Variants in SGCZ observed in about 807,000 individuals in gnomAD.
SGCZ encodes zeta-sarcoglycan.
SGCZ carries 40 observed loss-of-function variants against 41.3 expected under a neutral mutation model. The ratio of observed to expected loss-of-function variants is 0.97; its 90% CI spans 0.75 to 1.26. SGCZ has a LOEUF of 1.26. SGCZ is among the 50% of genes most tolerant of loss of function. The pLI is 0.00. For missense variants in SGCZ, 552 were observed against 369.8 expected (o/e 1.49, Z -4.04); for synonymous variants, 206 against 137.5 (o/e 1.50, Z -3.49).
intron 2 of SGCZ, among the ~76,000 whole-genome samples, chr8:14,372,492 T>C (rs531851773): frequency 4.6e-5 from 7 of 152,040 alleles, no homozygotes; most frequent in Non-Finnish European, 1.0e-4. Context: ...GAGAAAGAAA[T>C]CTCAAGTAAA....
chr8:14,185,934 A>G (rs1804888889), intron 4 of SGCZ, among the ~76,000 whole-genome samples: 1 of 152,198 alleles, frequency 6.6e-6, no homozygotes, highest in East Asian at 1.9e-4. Context: ...ATGTCCAGTA[A>G]TATTCACCTT....
At chr8:14,772,100 T>G (rs1042778144) in intron 1 of SGCZ, among the ~76,000 whole-genome samples, 1 of 152,154 alleles carries the variant, frequency 6.6e-6, no homozygotes, top group Non-Finnish European at 1.5e-5. Context: ...TAGTATTCAA[T>G]AAGTTACCTG....
chr8:14,107,201 A>G (rs776239982), intron 6 of SGCZ, among the ~76,000 whole-genome samples: 1 of 151,672 alleles, frequency 6.6e-6, no homozygotes, highest in Non-Finnish European at 1.5e-5. Context: ...GGGTGACAGA[A>G]CGAGACTCCA....
At chr8:15,041,705 C>G (rs1023593815) in intron 1 of SGCZ, among the ~76,000 whole-genome samples, 1 of 144,472 alleles carries the variant, frequency 6.9e-6, no homozygotes, top group African/African-American at 2.5e-5. Flanking sequence ...TGAATACACA[C>G]ATATACATGC....
chr8:14,664,688 A>G (rs1429492108), intron 1 of SGCZ, among the ~76,000 whole-genome samples: 1 of 152,212 alleles, frequency 6.6e-6, no homozygotes, highest in African/African-American at 2.4e-5. Flanking sequence ...TGTGTCACTT[A>G]GTGTATGCTA....
At position 14,290,981 on chromosome 8, in the gene SGCZ, A is replaced by C. The variant is rs1585326060; in HGVS notation, c.336+33122T>G. The stretch of plus-strand genomic sequence containing the variant: ...ATGAATGGATAAAGAAAGTATTGTA[A>C]ATATGTACCATGAAATAATATTCAG... On this transcript the variant is annotated intron_variant, in intron 3 of 7. Transcript: ENST00000382080. Among the ~76,000 whole-genome samples the C allele has an allele frequency of 3.3e-5, 5 of 152,260 alleles. No individual in the cohort carries two copies. In the South Asian group the frequency reaches 1.0e-3, roughly 32 times the overall value.
chr8:14,118,921 A>G (rs13265807), intron 5 of SGCZ, among the ~76,000 whole-genome samples: 146,905 of 152,290 alleles, frequency 0.96, 70,884 homozygotes, highest in East Asian at 1. Context: ...ATTGGTCTAC[A>G]TATCTGTTTT....
At chr8:14,415,658 G>C (rs1054774534) in intron 2 of SGCZ, among the ~76,000 whole-genome samples, 4 of 151,834 alleles carry the variant, frequency 2.6e-5, no homozygotes, top group African/African-American at 7.2e-5. Context: ...AACTCCTTAA[G>C]AAAAAAGTGA....
intron 1 of SGCZ, among the ~76,000 whole-genome samples, chr8:14,880,346 C>A (rs963145234): frequency 1.3e-5 from 2 of 152,284 alleles, no homozygotes; most frequent in African/African-American, 2.4e-5. Context: ...CACTTTTACA[C>A]TGTTGGTGGG....
At chr8:14,767,493 T>C (rs1261788671) in intron 1 of SGCZ, among the ~76,000 whole-genome samples, 1 of 152,132 alleles carries the variant, frequency 6.6e-6, no homozygotes, top group Non-Finnish European at 1.5e-5. Context: ...GGGAAGAAAG[T>C]TAATAATTTA....
At chr8:14,489,065 A>G (rs1423585882) in intron 2 of SGCZ, among the ~76,000 whole-genome samples, 4 of 148,736 alleles carry the variant, frequency 2.7e-5, no homozygotes, top group African/African-American at 9.8e-5. Flanking sequence ...AGTAATTCAA[A>G]TTCACAGAAC....
intron 2 of SGCZ, among the ~76,000 whole-genome samples, chr8:14,433,586 C>G (rs1314628161): frequency 6.6e-6 from 1 of 152,120 alleles, no homozygotes; most frequent in Non-Finnish European, 1.5e-5. Context: ...TATGATCTTC[C>G]ATCATTGCAT....
chr8:14,825,294 C>T lies in SGCZ; in HGVS notation c.40-270368G>A, dbSNP rs140853851. Among the ~76,000 whole-genome samples the T allele has an allele frequency of 6.3e-3, 953 of 152,258 alleles. 7 individuals are homozygous for T. Among genetic ancestry groups the T allele is most frequent in the African/African-American group, 0.022 (908 of 41,556 alleles). On this transcript the variant is annotated intron_variant, in intron 1 of 7. Transcript: ENST00000382080. ...TCTAATTACCTGTTCCTATGTGTAT[C>T]GTCACTTATCTCTCACTATTCTTGT...
At chr8:15,198,874 A>T (rs1404610720) in intron 1 of SGCZ, among the ~76,000 whole-genome samples, 2 of 152,196 alleles carry the variant, frequency 1.3e-5, no homozygotes, top group Non-Finnish European at 2.9e-5. Context: ...GAGGAAATCA[A>T]TCTAAAGTCA....
At chr8:14,738,834 G>A (rs768687913) in intron 1 of SGCZ, among the ~76,000 whole-genome samples, 51 of 152,100 alleles carry the variant, frequency 3.4e-4, no homozygotes, top group African/African-American at 1.2e-3. Flanking sequence ...AGAACGGGCC[G>A]CAGGACAGGG....
At chr8:14,812,411 G>C (rs1378471967) in intron 1 of SGCZ, among the ~76,000 whole-genome samples, 1 of 151,968 alleles carries the variant, frequency 6.6e-6, no homozygotes, top group Non-Finnish European at 1.5e-5. Context: ...CAGATGTTTT[G>C]AATATATTTA....
At chr8:15,179,360 C>A (rs980916460) in intron 1 of SGCZ, among the ~76,000 whole-genome samples, 4 of 152,106 alleles carry the variant, frequency 2.6e-5, no homozygotes, top group Non-Finnish European at 5.9e-5. Flanking sequence ...AAAGAAAAAA[C>A]TGAGAATACA....
rs982246498 is a variant in SGCZ at position 14,087,058 on chromosome 8, G to A, written c.*3385C>T. Among the ~76,000 whole-genome samples the A allele has an allele frequency of 3.3e-5, 5 of 150,534 alleles. No homozygotes were observed. The highest frequency in any genetic ancestry group is 1.2e-4 in the African/African-American group (5 of 41,296). On this transcript the variant is annotated 3_prime_UTR_variant, in exon 8 of 8. Coordinates refer to ENST00000382080, the MANE Select transcript of SGCZ (RefSeq NM_139167.4). ...ACTGGAATTGCTGGCTCCATTTTCC[G>A]AGATTTGAAGTACTGTAATCTAAGA...
Position 14,644,949 on chromosome 8 carries a change from A to AGT in SGCZ, c.40-90024_40-90023insAC, listed in dbSNP as rs1313402581. Among the ~76,000 whole-genome samples the AGT allele has an allele frequency of 1.7e-3, 28 of 16,038 alleles. 1 individual carries two copies. The East Asian group carries it at 0.17, about 99-fold the overall frequency. 10.5% of individuals were successfully genotyped at this position (16,038 alleles called of 152,430 possible). A position where few individuals can be genotyped will look rare whatever the true frequency, so the allele number is the denominator to read the frequency against. Reference sequence around the variant, plus strand: ...TATAAAGCCTTTGTGTAGTTGCATAAATAAAAAAAAAAAGTCTCCAACGTT... The same window carrying AGT: ...TATAAAGCCTTTGTGTAGTTGCATAAGTATAAAAAAAAAAAGTCTCCAACGTT... On this transcript the variant is annotated intron_variant, in intron 1 of 7. Coordinates refer to ENST00000382080, the MANE Select transcript of SGCZ (RefSeq NM_139167.4).
Sources: allele counts gnomAD v4.1 joint callset (sites outside exome capture counted in the v4.1 genomes callset), GRCh38; gene constraint gnomAD v4.1.1; transcripts MANE v1.5; gene names NCBI Gene and HGNC (gene_info 2026-07-23, HGNC 2026-07-21).